Variants in CNTNAP2 observed in about 807,000 individuals in gnomAD.
CNTNAP2 encodes the protein contactin associated protein 2, also known as contactin-associated protein-like 2.
CNTNAP2 carries 98 observed loss-of-function variants against 155.2 expected under a neutral mutation model. The observed-to-expected ratio is 0.63, with a 90% CI of 0.54 to 0.75. The LOEUF (loss-of-function observed/expected upper bound fraction) is 0.75, where lower values mean the gene tolerates loss of function less well. Ranked by LOEUF, CNTNAP2 falls within the 30% of genes least tolerant of loss-of-function variation. The pLI, the probability that CNTNAP2 is intolerant of heterozygous loss-of-function variation, is 0.00. For missense variants in CNTNAP2, 1,727 were observed against 1,688.1 expected (o/e 1.02, Z -0.40); for synonymous variants, 651 against 631.2 (o/e 1.03, Z -0.47).
intron 18 of CNTNAP2, among the ~76,000 whole-genome samples, chr7:148,183,474 G>GTT: frequency 8.7e-6 from 1 of 115,108 alleles, no homozygotes; most frequent in Non-Finnish European, 1.8e-5. Context: ...ATACTTATTT[G>GTT]CTTTTTTTTT....
At chr7:147,643,708 A>ATGAGTT (rs1333538379) in intron 13 of CNTNAP2, among the ~76,000 whole-genome samples, 1 of 152,228 alleles carries the variant, frequency 6.6e-6, no homozygotes, top group African/African-American at 2.4e-5. Flanking sequence ...TGAATATCAA[A>ATGAGTT]TGAGTTTGTA....
intron 15 of CNTNAP2, among the ~76,000 whole-genome samples, chr7:148,005,124 T>G (rs1801952682): frequency 6.6e-6 from 1 of 152,120 alleles, no homozygotes; most frequent in African/African-American, 2.4e-5. Context: ...AATTTGTATC[T>G]CCCAGGTCTG....
At chr7:146,626,740 A>G (rs1017510611) in intron 1 of CNTNAP2, among the ~76,000 whole-genome samples, 8 of 152,158 alleles carry the variant, frequency 5.3e-5, no homozygotes, top group Non-Finnish European at 7.4e-5. Flanking sequence ...TAATATCTTC[A>G]TTAAAATAAT....
intron 1 of CNTNAP2, among the ~76,000 whole-genome samples, chr7:146,156,104 C>A (rs563376611): frequency 6.6e-6 from 1 of 152,178 alleles, no homozygotes; most frequent in South Asian, 2.1e-4. Flanking sequence ...CTTCCCACAT[C>A]GTCTGGAACA....
At chr7:147,805,447 A>T (rs1425549298) in intron 13 of CNTNAP2, among the ~76,000 whole-genome samples, 1 of 152,182 alleles carries the variant, frequency 6.6e-6, no homozygotes, top group Non-Finnish European at 1.5e-5. Flanking sequence ...TCTGACTAGG[A>T]CTTTAAGTAC....
intron 13 of CNTNAP2, among the ~76,000 whole-genome samples, chr7:147,836,158 T>C (rs894158230): frequency 6.6e-6 from 1 of 152,198 alleles, no homozygotes; most frequent in Admixed American, 6.5e-5. Context: ...TCCTAGTGGT[T>C]TGTTGTTGTC....
At chr7:148,085,565 A>G (rs1208293944) in intron 15 of CNTNAP2, among the ~76,000 whole-genome samples, 2 of 152,202 alleles carry the variant, frequency 1.3e-5, no homozygotes, top group Non-Finnish European at 2.9e-5. Context: ...AATTGAAAAG[A>G]TTATTAGTTA....
intron 15 of CNTNAP2, among the ~76,000 whole-genome samples, chr7:148,116,372 T>G (rs1357239293): frequency 6.6e-6 from 1 of 152,116 alleles, no homozygotes; most frequent in African/African-American, 2.4e-5. Flanking sequence ...GAAACTAAGC[T>G]TATCAGCAAT....
At chr7:146,944,926 A>T (rs1298483404) in intron 3 of CNTNAP2, among the ~76,000 whole-genome samples, 1 of 151,734 alleles carries the variant, frequency 6.6e-6, no homozygotes, top group Non-Finnish European at 1.5e-5. Context: ...TATGCATAGC[A>T]ATTTAATGGT....
intron 13 of CNTNAP2, among the ~76,000 whole-genome samples, chr7:147,891,231 G>T (rs1247689565): frequency 5.3e-5 from 8 of 150,128 alleles, no homozygotes; most frequent in Non-Finnish European, 1.0e-4. Flanking sequence ...TTGAGACGGA[G>T]TCTCACTCTG....
chr7:147,565,235 T>C (rs10272825), intron 12 of CNTNAP2, among the ~76,000 whole-genome samples: 69,771 of 151,914 alleles, frequency 0.46, 16,193 homozygotes, highest in East Asian at 0.61. Context: ...GAGATTGGCT[T>C]ATTCCAAAGA....
At chr7:147,920,993 T>A (rs1800267951) in intron 14 of CNTNAP2, among the ~76,000 whole-genome samples, 2 of 151,952 alleles carry the variant, frequency 1.3e-5, no homozygotes, top group South Asian at 4.2e-4. Flanking sequence ...GTATTTTTAG[T>A]AGAGATGGGG....
At chr7:146,437,026 C>G (rs868230062) in intron 1 of CNTNAP2, among the ~76,000 whole-genome samples, 12 of 151,486 alleles carry the variant, frequency 7.9e-5, no homozygotes, top group Non-Finnish European at 1.8e-4. Flanking sequence ...TGTTAGGAAC[C>G]GGGCCGCACG....
chr7:146,634,477 GA>G lies in CNTNAP2; in HGVS notation c.98-139793del, dbSNP rs552321818. Among the ~76,000 whole-genome samples, 290 of 152,228 alleles carry G rather than the reference GA, an allele frequency of 1.9e-3. 1 individual carries two copies. The highest frequency in any genetic ancestry group is 6.3e-3 in the African/African-American group (263 of 41,534). ...TATGTAATTCAAACATCAATAGAGA[GA>G]TTTTTTTTATATTGATTGCTCCCAC... On this transcript the variant is annotated intron_variant, in intron 1 of 23. Transcript: ENST00000361727.
chr7:148,135,048 T>A (rs761422577), intron 16 of CNTNAP2, among the ~76,000 whole-genome samples: 28 of 151,994 alleles, frequency 1.8e-4, no homozygotes, highest in Non-Finnish European at 2.6e-4. Flanking sequence ...ATAACAATAT[T>A]TTTTTTTCAA....
At chr7:146,221,293 T>C (rs1021106426) in intron 1 of CNTNAP2, among the ~76,000 whole-genome samples, 4 of 152,130 alleles carry the variant, frequency 2.6e-5, no homozygotes, top group African/African-American at 7.2e-5. Flanking sequence ...TGCAACAATA[T>C]ATACTGCAAC....
intron 2 of CNTNAP2, among the ~76,000 whole-genome samples, chr7:146,780,410 C>G (rs1240484085): frequency 1.3e-5 from 2 of 151,994 alleles, no homozygotes; most frequent in Non-Finnish European, 2.9e-5. Flanking sequence ...AGGATCGTCT[C>G]AATCTCCTGA....
intron 1 of CNTNAP2, among the ~76,000 whole-genome samples, chr7:146,152,930 C>T (rs1422030154): frequency 6.6e-6 from 1 of 152,054 alleles, no homozygotes; most frequent in African/African-American, 2.4e-5. Flanking sequence ...GATTTACTCC[C>T]AGAGTTTTGC....
chr7:147,803,109 A>G (rs1798034214), intron 13 of CNTNAP2, among the ~76,000 whole-genome samples: 1 of 152,212 alleles, frequency 6.6e-6, no homozygotes, highest in African/African-American at 2.4e-5. Context: ...ACATTCCTAC[A>G]GTTATTTGAG....
Sources: allele counts gnomAD v4.1 joint callset (sites outside exome capture counted in the v4.1 genomes callset), GRCh38; gene constraint gnomAD v4.1.1; transcripts MANE v1.5; gene names NCBI Gene and HGNC (gene_info 2026-07-23, HGNC 2026-07-21).